The following ASIC2 variants were observed in gnomAD, a reference collection of about 807,000 sequenced individuals.
ASIC2 encodes acid sensing ion channel subunit 2.
In ASIC2, 25 loss-of-function variants were observed where a neutral mutation model predicts 57.3. The ratio of observed to expected loss-of-function variants is 0.44; its 90% CI spans 0.32 to 0.61. ASIC2 has a LOEUF of 0.61. Ranked by LOEUF, ASIC2 falls within the 20% of genes least tolerant of loss-of-function variation. The pLI, the probability that ASIC2 is intolerant of heterozygous loss-of-function variation, is 0.06. For missense variants in ASIC2, 641 were observed against 738.1 expected (o/e 0.87, Z 1.52); for synonymous variants, 319 against 307.5 (o/e 1.04, Z -0.39).
At chr17:33,952,880 C>T (rs1201086462) in intron 1 of ASIC2, among the ~76,000 whole-genome samples, 3 of 152,122 alleles carry the variant, frequency 2.0e-5, no homozygotes, top group Non-Finnish European at 4.4e-5. Context: ...AAAATGCTTT[C>T]ACTCTAATGG....
Position 34,127,814 on chromosome 17 carries a change from C to G in ASIC2, c.555+28164G>C, listed in dbSNP as rs186772470. On this transcript the variant is annotated intron_variant, in intron 1 of 9. Transcript: ENST00000359872. ...GAAAAGAATATGATAAAAGAGGAGG[C>G]TGTACAAAGAGCAAATTCAGGGATC... Among the ~76,000 whole-genome samples the G allele has an allele frequency of 3.7e-3, 556 of 152,274 alleles. 4 individuals are homozygous for G. The highest frequency in any genetic ancestry group is 0.013 in the African/African-American group (541 of 41,554).
At chr17:33,981,323 G>C (rs1905614325) in intron 1 of ASIC2, among the ~76,000 whole-genome samples, 1 of 152,160 alleles carries the variant, frequency 6.6e-6, no homozygotes, top group South Asian at 2.1e-4. Flanking sequence ...CTCCTTCCTG[G>C]GGACCCAGTC....
intron 3 of ASIC2, among the ~76,000 whole-genome samples, chr17:33,040,824 T>C (rs905827751): frequency 6.6e-6 from 1 of 152,184 alleles, no homozygotes; most frequent in Admixed American, 6.5e-5. Flanking sequence ...CTCAACCTGA[T>C]GGACGTGTCC....
rs117903231 is a variant in ASIC2 at position 33,133,972 on chromosome 17, G to A, written c.709-21905C>T. On this transcript the variant is annotated intron_variant, in intron 1 of 9. Coordinates refer to ENST00000225823, the MANE Select transcript of ASIC2 (RefSeq NM_183377.2). ...CAGCTCACTTGACAGAACAGAGTCT[G>A]AGGTGCAGAGAAAGGACCGCAGCTT... is the stretch of plus-strand genomic sequence containing the variant. Among the ~76,000 whole-genome samples the A allele has an allele frequency of 4.9e-3, 743 of 152,288 alleles. 3 individuals are homozygous for A. The highest frequency in any genetic ancestry group is 7.1e-3 in the Non-Finnish European group (480 of 68,020).
chr17:34,140,419 GA>G (rs1422199455), intron 1 of ASIC2, among the ~76,000 whole-genome samples: 1 of 152,192 alleles, frequency 6.6e-6, no homozygotes. Context: ...TCTGTCCACT[GA>G]GAAGGTCTGG....
chr17:33,989,947 C>G (rs936969564), intron 1 of ASIC2, among the ~76,000 whole-genome samples: 2 of 152,062 alleles, frequency 1.3e-5, no homozygotes, highest in East Asian at 1.9e-4. Context: ...GAGGCACTTC[C>G]GGTGATATTG....
chr17:33,551,841 C>T (rs1255249979), intron 1 of ASIC2, among the ~76,000 whole-genome samples: 3 of 152,206 alleles, frequency 2.0e-5, no homozygotes, highest in East Asian at 1.9e-4. Flanking sequence ...CCTCTCTAAC[C>T]TCAGCCATTG....
chr17:33,118,718 A>G (rs2092290074), intron 1 of ASIC2, among the ~76,000 whole-genome samples: 1 of 152,166 alleles, frequency 6.6e-6, no homozygotes, highest in Non-Finnish European at 1.5e-5. Context: ...GACTTGTCCC[A>G]GGTCACGCAG....
chr17:33,404,826 A>G (rs1393430375), intron 1 of ASIC2, among the ~76,000 whole-genome samples: 3 of 152,226 alleles, frequency 2.0e-5, no homozygotes, highest in Non-Finnish European at 4.4e-5. Flanking sequence ...AAGATGATAT[A>G]GGTATTTCTG....
chr17:33,350,913 C>T (rs1183725558), intron 1 of ASIC2, among the ~76,000 whole-genome samples: 5 of 152,130 alleles, frequency 3.3e-5, no homozygotes, highest in Admixed American at 3.3e-4. Flanking sequence ...GAACGATCTC[C>T]AGGAAATGTG....
At chr17:34,056,214 T>C (rs1276440346) in intron 1 of ASIC2, among the ~76,000 whole-genome samples, 1 of 152,168 alleles carries the variant, frequency 6.6e-6, no homozygotes, top group Non-Finnish European at 1.5e-5. Context: ...TTAGGCAACA[T>C]CCAAGGATTT....
chr17:33,375,427 G>A (rs1355434977), intron 1 of ASIC2, among the ~76,000 whole-genome samples: 3 of 152,146 alleles, frequency 2.0e-5, no homozygotes, highest in Non-Finnish European at 4.4e-5. Context: ...AGGTCAGGGA[G>A]GTGCAGGGAC....
rs539615676 is a variant in ASIC2, at chr17:34,086,361, C to T, written c.555+69617G>A. Among the ~76,000 whole-genome samples the T allele has an allele frequency of 9.2e-5, 14 of 152,294 alleles. No homozygotes were observed. In the South Asian group the frequency reaches 2.9e-3, roughly 32 times the overall value. Reference sequence around the variant, plus strand: ...TAGTTGAGCGGTTTTGAGTGAGTTTCTTAATCCTGAGTTCTAATTTGATTG... The same window carrying T: ...TAGTTGAGCGGTTTTGAGTGAGTTTTTTAATCCTGAGTTCTAATTTGATTG... On this transcript the variant is annotated intron_variant, in intron 1 of 9. Coordinates refer to the ASIC2 transcript ENST00000359872.
At chr17:33,195,328 A>G (rs1476434511) in intron 1 of ASIC2, among the ~76,000 whole-genome samples, 1 of 152,146 alleles carries the variant, frequency 6.6e-6, no homozygotes, top group Non-Finnish European at 1.5e-5. Flanking sequence ...CCATATCTGC[A>G]TGACCTTGAA....
intron 1 of ASIC2, among the ~76,000 whole-genome samples, chr17:34,134,085 G>A (rs1699423874): frequency 6.6e-6 from 1 of 152,162 alleles, no homozygotes; most frequent in Admixed American, 6.5e-5. Context: ...TCCAGGTACT[G>A]ATTCTCTAAT....
At chr17:33,571,328 CTTG>C (rs1916432538) in intron 1 of ASIC2, among the ~76,000 whole-genome samples, 1 of 152,190 alleles carries the variant, frequency 6.6e-6, no homozygotes, top group Non-Finnish European at 1.5e-5. Context: ...AACTTAACTT[CTTG>C]TTGTTTTGTT....
At chr17:34,126,406 C>G (rs113236302) in intron 1 of ASIC2, among the ~76,000 whole-genome samples, 4,238 of 152,248 alleles carry the variant, frequency 0.028, 211 homozygotes, top group African/African-American at 0.097. Flanking sequence ...TAAAGCACCC[C>G]AGAGGTGAGA....
chr17:33,236,492 C>T (rs765451754), intron 1 of ASIC2, among the ~76,000 whole-genome samples: 6 of 152,010 alleles, frequency 3.9e-5, no homozygotes, highest in Non-Finnish European at 8.8e-5. Flanking sequence ...TACAGGTGCA[C>T]GCTACTACAC....
chr17:33,097,801 C>T (rs2141974008), intron 2 of ASIC2, among the ~76,000 whole-genome samples: 1 of 152,294 alleles, frequency 6.6e-6, no homozygotes, highest in East Asian at 1.9e-4. Context: ...GAGTCGCAGC[C>T]CCAGCCTTGA....
Sources: allele counts gnomAD v4.1 joint callset (sites outside exome capture counted in the v4.1 genomes callset), GRCh38; gene constraint gnomAD v4.1.1; transcripts MANE v1.5; gene names NCBI Gene and HGNC (gene_info 2026-07-23, HGNC 2026-07-21).